Variants in TOX2 observed in about 807,000 individuals in gnomAD.
TOX2 encodes the protein TOX high mobility group box family member 2, also known as granulosa cell HMG box 1.
TOX2 carries 15 observed loss-of-function variants against 47.4 expected under a neutral mutation model. The ratio of observed to expected loss-of-function variants is 0.32; its 90% confidence interval spans 0.21 to 0.49. The LOEUF (loss-of-function observed/expected upper bound fraction) is 0.49. Among genes scored for constraint, TOX2 ranks in the 20% least tolerant of loss-of-function variants. The pLI is 0.99. For synonymous variants in TOX2, 290 were observed against 296.6 expected (o/e 0.98, Z 0.23); for missense variants, 622 against 673.1 (o/e 0.92, Z 0.84).
At chr20:44,052,789 A>G (rs967990375) in intron 4 of TOX2, among the ~76,000 whole-genome samples, 4 of 152,184 alleles carry the variant, frequency 2.6e-5, no homozygotes, top group African/African-American at 9.7e-5. Flanking sequence ...GGGAACCAGG[A>G]TTCAAACCCA....
At chr20:44,007,126 T>C (rs2070698736) in intron 3 of TOX2, 1 of 303,274 alleles carries the variant, frequency 3.3e-6, no homozygotes, top group Admixed American at 4.7e-5. Flanking sequence ...GTATAATTTA[T>C]ATTCCATACA....
rs150404582 is a variant in TOX2, at chr20:44,054,304, G to A, written c.657G>A (p.Ser219=). The A allele has an allele frequency of 6.7e-5, 108 of 1,608,532 alleles. No homozygotes were observed. The highest frequency in any genetic ancestry group is 8.4e-5 in the Non-Finnish European group (99 of 1,177,102). ...GACTCTTCTCACTCGGGCAGATCTCGGGAGAAAAGAGACCTTCAGCCGACC... is the reference window on the plus strand; with the variant it reads ...GACTCTTCTCACTCGGGCAGATCTCAGGAGAAAAGAGACCTTCAGCCGACC... ...EEESEVHFKI[S]GEKRPSADPG... The change falls in exon 5 of 9, where the codon TCG becomes TCA. Residue 219 remains serine, a synonymous_variant. Transcript: ENST00000341197.
chr20:43,974,077 T>TA (rs1356428666), intron 2 of TOX2, among the ~76,000 whole-genome samples: 1 of 152,186 alleles, frequency 6.6e-6, no homozygotes, highest in Non-Finnish European at 1.5e-5. Context: ...ATCCTCACTA[T>TA]AGACTATGAT....
intron 3 of TOX2, among the ~76,000 whole-genome samples, chr20:44,023,768 G>T (rs901639027): frequency 1.3e-5 from 2 of 152,262 alleles, no homozygotes; most frequent in African/African-American, 4.8e-5. Flanking sequence ...CATTTTGGTG[G>T]CCAGCACAGT....
At chr20:44,057,278 A>AGTTAT (rs1216022870) in intron 5 of TOX2, among the ~76,000 whole-genome samples, 2 of 152,058 alleles carry the variant, frequency 1.3e-5, no homozygotes, top group South Asian at 2.1e-4. Context: ...TTCTTTTCCC[A>AGTTAT]GTTATGTTGA....
rs1424541896 is a variant in TOX2, at chr20:44,065,602, C to T, written c.961-110C>T. 3 of 1,334,958 alleles carry T rather than the reference C, an allele frequency of 2.2e-6. No homozygotes were observed. The Admixed American group carries it at 6.8e-5, about 30-fold the overall frequency. The allele number at this position is 1,334,958 out of a possible 1,614,324, so 82.7% of individuals were successfully genotyped here. A position where few individuals can be genotyped will look rare whatever the true frequency, so the allele number is the denominator to read the frequency against. On this transcript the variant is annotated intron_variant, in intron 6 of 8. Transcript: ENST00000341197. Reference sequence around the variant, plus strand: ...GGTTAGTCCAAGCTCTCTCCCAAGACAGCCAGCCAGCAGCCGTGTCAGTGG... The same window carrying T: ...GGTTAGTCCAAGCTCTCTCCCAAGATAGCCAGCCAGCAGCCGTGTCAGTGG...
At chr20:44,053,995 G>A (rs536424241) in intron 4 of TOX2, among the ~76,000 whole-genome samples, 2 of 152,296 alleles carry the variant, frequency 1.3e-5, no homozygotes, top group South Asian at 4.1e-4. Flanking sequence ...GCACTAACCA[G>A]TTTCACGTGT....
At chr20:43,980,075 C>T (rs1221212079) in intron 2 of TOX2, among the ~76,000 whole-genome samples, 2 of 152,190 alleles carry the variant, frequency 1.3e-5, no homozygotes, top group Non-Finnish European at 2.9e-5. Context: ...ATCGGCACTT[C>T]CATGTTTGTT....
At chr20:43,937,159 G>A (rs2069336742) in intron 1 of TOX2, among the ~76,000 whole-genome samples, 1 of 152,200 alleles carries the variant, frequency 6.6e-6, no homozygotes, top group Non-Finnish European at 1.5e-5. Flanking sequence ...TAGATGATGG[G>A]CACGGGGGAA....
At chr20:43,987,979 T>G (rs919591469) in intron 2 of TOX2, among the ~76,000 whole-genome samples, 1 of 144,190 alleles carries the variant, frequency 6.9e-6, no homozygotes, top group Non-Finnish European at 1.5e-5. Flanking sequence ...GAGTGCAGTA[T>G]CACAATCTTG....
At chr20:43,959,317 G>T (rs978877839) in intron 1 of TOX2, among the ~76,000 whole-genome samples, 6 of 152,164 alleles carry the variant, frequency 3.9e-5, no homozygotes, top group African/African-American at 1.4e-4. Context: ...CAGTGTTCTC[G>T]CAGCTCCCAG....
At chr20:43,990,856 AT>A (rs1238262799) in intron 2 of TOX2, among the ~76,000 whole-genome samples, 1 of 152,108 alleles carries the variant, frequency 6.6e-6, no homozygotes, top group Non-Finnish European at 1.5e-5. Flanking sequence ...CGTGTGGCAC[AT>A]TTTTAGGCAA....
At chr20:43,993,996 A>G (rs1283109312) in intron 2 of TOX2, among the ~76,000 whole-genome samples, 1 of 151,990 alleles carries the variant, frequency 6.6e-6, no homozygotes, top group East Asian at 1.9e-4. Context: ...CTACAAAAAA[A>G]TAAAAAATAG....
intron 1 of TOX2, among the ~76,000 whole-genome samples, chr20:43,957,466 T>C (rs1383577901): frequency 6.6e-6 from 1 of 152,158 alleles, no homozygotes; most frequent in African/African-American, 2.4e-5. Context: ...TTTTCCTCTG[T>C]AAAACTGGAT....
intron 1 of TOX2, among the ~76,000 whole-genome samples, chr20:43,935,183 C>G (rs990975368): frequency 6.6e-6 from 1 of 152,092 alleles, no homozygotes; most frequent in Admixed American, 6.5e-5. Context: ...GGGGAGGATT[C>G]GGTTCTGAAT....
At chr20:44,000,481 T>C (rs548408420) in intron 2 of TOX2, among the ~76,000 whole-genome samples, 1 of 151,916 alleles carries the variant, frequency 6.6e-6, no homozygotes, top group African/African-American at 2.4e-5. Flanking sequence ...GTGGGAGGGG[T>C]AGGTTCTCTC....
At chr20:44,000,009 G>A (rs1200069456) in intron 2 of TOX2, among the ~76,000 whole-genome samples, 7 of 152,242 alleles carry the variant, frequency 4.6e-5, no homozygotes, top group Non-Finnish European at 8.8e-5. Flanking sequence ...TATTCTAAAG[G>A]AAGGGAACAG....
intron 2 of TOX2, among the ~76,000 whole-genome samples, chr20:44,002,187 T>G: frequency 6.6e-6 from 1 of 152,218 alleles, no homozygotes; most frequent in East Asian, 1.9e-4. Flanking sequence ...CTCTGCCCAT[T>G]CTAAGGCAAG....
At chr20:43,944,591 C>T (rs1437960502) in intron 1 of TOX2, among the ~76,000 whole-genome samples, 1 of 152,104 alleles carries the variant, frequency 6.6e-6, no homozygotes, top group South Asian at 2.1e-4. Flanking sequence ...GGCACCAGCC[C>T]CCTTTATCAC....
Sources: allele counts gnomAD v4.1 joint callset (sites outside exome capture counted in the v4.1 genomes callset), GRCh38; gene constraint gnomAD v4.1.1; transcripts MANE v1.5; gene names NCBI Gene and HGNC (gene_info 2026-07-23, HGNC 2026-07-21).